Variants in POU2F1 observed in about 807,000 individuals in gnomAD.
POU2F1 encodes POU domain, class 2, transcription factor 1.
POU2F1 carries 16 observed loss-of-function variants against 84.9 expected under a neutral mutation model. That is an observed-to-expected ratio of 0.19 (90% confidence interval 0.13 to 0.29). POU2F1 has a LOEUF of 0.29. Ranked by LOEUF, POU2F1 falls within the 10% of genes least tolerant of loss-of-function variation. The pLI, the probability that POU2F1 is intolerant of heterozygous loss-of-function variation, is 1.00. For missense variants in POU2F1, 738 were observed against 942.6 expected, an observed-to-expected ratio of 0.78 and a Z score of 2.84; for synonymous variants, 368 against 368.3, an observed-to-expected ratio of 1.00 and a Z score of 0.01.
At chr1:167,249,251 C>T (rs1436972113) in intron 1 of POU2F1, among the ~76,000 whole-genome samples, 1 of 152,170 alleles carries the variant, frequency 6.6e-6, no homozygotes, top group Non-Finnish European at 1.5e-5. Flanking sequence ...CTTCTGTTTT[C>T]TCTAGATACC....
intron 13 of POU2F1, among the ~76,000 whole-genome samples, chr1:167,407,551 T>C (rs1212353004): frequency 3.3e-5 from 5 of 152,178 alleles, no homozygotes; most frequent in Non-Finnish European, 4.4e-5. Flanking sequence ...CATATAGATA[T>C]ATAGATTAAA....
At chr1:167,234,361 C>T (rs7530814) in intron 1 of POU2F1, among the ~76,000 whole-genome samples, 143,055 of 152,292 alleles carry the variant, frequency 0.94, 67,784 homozygotes, top group East Asian at 1. Flanking sequence ...TGACTATAAA[C>T]GTTTTTGAAG....
At chr1:167,322,279 G>T (rs1656366914) in intron 1 of POU2F1, among the ~76,000 whole-genome samples, 1 of 152,188 alleles carries the variant, frequency 6.6e-6, no homozygotes, top group Admixed American at 6.5e-5. Context: ...CAGGAGCTAT[G>T]CTATATGCTC....
intron 1 of POU2F1, among the ~76,000 whole-genome samples, chr1:167,275,460 C>T (rs777196870): frequency 7.9e-5 from 12 of 152,034 alleles, no homozygotes; most frequent in African/African-American, 2.2e-4. Context: ...TACAGAAGGC[C>T]GCAATGGCCC....
At chr1:167,302,045 AC>A (rs1160323988) in intron 1 of POU2F1, among the ~76,000 whole-genome samples, 13 of 151,842 alleles carry the variant, frequency 8.6e-5, no homozygotes, top group Admixed American at 8.5e-4. Context: ...CCCTTCACTC[AC>A]AAAAACAAAA....
intron 1 of POU2F1, among the ~76,000 whole-genome samples, chr1:167,263,243 AGT>A (rs918358175): frequency 6.6e-6 from 1 of 152,140 alleles, no homozygotes; most frequent in African/African-American, 2.4e-5. Context: ...ATGTCGGCCG[AGT>A]GTGGTGGCTC....
At chr1:167,315,849 G>A (rs1655854895) in intron 1 of POU2F1, among the ~76,000 whole-genome samples, 1 of 151,310 alleles carries the variant, frequency 6.6e-6, no homozygotes, top group Non-Finnish European at 1.5e-5. Context: ...AGCAAACTGT[G>A]GTACATCCAT....
chr1:167,322,330 A>AT (rs1488153607), intron 1 of POU2F1, among the ~76,000 whole-genome samples: 1 of 152,224 alleles, frequency 6.6e-6, no homozygotes, highest in Non-Finnish European at 1.5e-5. Context: ...AGATATAACA[A>AT]TTTGAATTTC....
chr1:167,321,057 C>G (rs1433686405), intron 1 of POU2F1, among the ~76,000 whole-genome samples: 1 of 152,146 alleles, frequency 6.6e-6, no homozygotes, highest in African/African-American at 2.4e-5. Context: ...GAGTAGTAGT[C>G]TGAATTTTGT....
chr1:167,385,103 G>A (rs1329606929), intron 8 of POU2F1, among the ~76,000 whole-genome samples: 1 of 151,990 alleles, frequency 6.6e-6, no homozygotes, highest in Non-Finnish European at 1.5e-5. Flanking sequence ...ACAGTACTTA[G>A]GGGTAAACAA....
chr1:167,366,029 C>A (rs1659665992), intron 3 of POU2F1, among the ~76,000 whole-genome samples: 1 of 152,118 alleles, frequency 6.6e-6, no homozygotes, highest in South Asian at 2.1e-4. Context: ...ACCCCCGCAC[C>A]CTAGTTTGAG....
chr1:167,351,519 CAA>C (rs34170498), intron 2 of POU2F1, among the ~76,000 whole-genome samples: 90 of 45,974 alleles, frequency 2.0e-3, no homozygotes, highest in African/African-American at 2.7e-3. Flanking sequence ...AGCACCATCT[CAA>C]AAAAAAAAAA....
rs916313560 is a variant in POU2F1 at position 167,417,542 on chromosome 1, A to C, written c.*1732A>C. The C allele has an allele frequency of 2.0e-5, 3 of 152,080 alleles. No individual in the cohort carries two copies. Among genetic ancestry groups the C allele is most frequent in the African/African-American group, 7.2e-5 (3 of 41,408 alleles). 9.4% of individuals were successfully genotyped at this position (152,080 alleles called of 1,614,324 possible). On this transcript the variant is annotated 3_prime_UTR_variant, in exon 16 of 16. Coordinates refer to ENST00000367866, the MANE Select transcript of POU2F1 (RefSeq NM_002697.4). ...GTTGTTATGCCATCTGTACCAAAAA[A>C]TTTTCCAAAAGACTGGATCACTGCA...
chr1:167,221,911 C>A (rs1207302659), intron 1 of POU2F1, among the ~76,000 whole-genome samples: 3 of 151,842 alleles, frequency 2.0e-5, no homozygotes, highest in Non-Finnish European at 4.4e-5. Context: ...CGCCCCCGGC[C>A]GGCGGTCGGC....
intron 11 of POU2F1, 81 bp downstream of exon 11, chr1:167,398,214 G>C: frequency 6.8e-7 from 1 of 1,477,488 alleles, no homozygotes; most frequent in Non-Finnish European, 9.2e-7. Context: ...ACTGTAGGTG[G>C]TAAAAGATGA....
intron 1 of POU2F1, among the ~76,000 whole-genome samples, chr1:167,239,089 C>A (rs1240613004): frequency 6.6e-6 from 1 of 152,134 alleles, no homozygotes; most frequent in Non-Finnish European, 1.5e-5. Context: ...TTTTTTCCCC[C>A]CCAAATGGAC....
intron 1 of POU2F1, among the ~76,000 whole-genome samples, chr1:167,251,074 T>C (rs370623872): frequency 1.1e-3 from 164 of 152,306 alleles, no homozygotes; most frequent in African/African-American, 3.5e-3. Flanking sequence ...GAACATCTCA[T>C]ATGAGTAGAA....
At chr1:167,224,184 A>G (rs1357150309) in intron 1 of POU2F1, among the ~76,000 whole-genome samples, 3 of 152,210 alleles carry the variant, frequency 2.0e-5, no homozygotes, top group Admixed American at 6.5e-5. Context: ...CATTTCCTCA[A>G]AATTCTCAAA....
At position 167,329,296 on chromosome 1, in the gene POU2F1, CTA is replaced by C. The variant is rs1656921991; in HGVS notation, c.62-3172_62-3171del. 3 of 1,548,904 alleles carry C rather than the reference CTA, an allele frequency of 1.9e-6. No individual in the cohort carries two copies. The African/African-American group carries it at 4.1e-5, about 21-fold the overall frequency. On this transcript the variant is annotated intron_variant, in intron 1 of 15. Coordinates refer to ENST00000367866, the MANE Select transcript of POU2F1 (RefSeq NM_002697.4). ...TCACAGCAATGCTGGACTGCAGTGA[CTA>C]TGTTCTAGGTGGGTACCAGCACAGT...
Sources: gnomAD v4.1 joint callset for allele counts (sites outside exome capture counted in the v4.1 genomes callset) on GRCh38, gnomAD v4.1.1 for gene constraint, MANE v1.5 for transcripts, NCBI Gene and HGNC (gene_info 2026-07-23, HGNC 2026-07-21) for gene names.